CALD1: variants seen among roughly 807,000 people sequenced by gnomAD.
The protein encoded by CALD1 is caldesmon.
CALD1 carries 33 observed loss-of-function variants against 99.9 expected under a neutral mutation model. That is an observed-to-expected ratio of 0.33 (90% CI 0.25 to 0.44). CALD1 has a LOEUF of 0.44. CALD1 is among the 20% of genes least tolerant of loss of function. The pLI is 1.00. For synonymous variants in CALD1, 310 were observed against 325.0 expected, an observed-to-expected ratio of 0.95 and a Z score of 0.50; for missense variants, 861 against 962.1, an observed-to-expected ratio of 0.89 and a Z score of 1.39.
At chr7:134,857,519 A>G (rs1046995691) in intron 2 of CALD1, among the ~76,000 whole-genome samples, 1 of 152,098 alleles carries the variant, frequency 6.6e-6, no homozygotes, top group African/African-American at 2.4e-5. Flanking sequence ...GGAAAAGTCC[A>G]GGTATCCCCA....
At chr7:134,842,617 C>T (rs956826668) in intron 1 of CALD1, among the ~76,000 whole-genome samples, 3 of 152,138 alleles carry the variant, frequency 2.0e-5, no homozygotes, top group Admixed American at 6.5e-5. Flanking sequence ...CTAATTTAAC[C>T]TTTGCAATGA....
intron 7 of CALD1, among the ~76,000 whole-genome samples, chr7:134,946,832 C>T (rs952484712): frequency 2.6e-5 from 4 of 151,958 alleles, no homozygotes; most frequent in East Asian, 1.9e-4. Flanking sequence ...AGGCACACGC[C>T]GCCACGCCCG....
At chr7:134,748,481 G>A (rs1248004743) in intron 1 of CALD1, among the ~76,000 whole-genome samples, 1 of 152,174 alleles carries the variant, frequency 6.6e-6, no homozygotes, top group Admixed American at 6.5e-5. Context: ...AGGCTGAGGT[G>A]GGTGGATCAC....
At chr7:134,922,520 G>A (rs371869092) in intron 3 of CALD1, among the ~76,000 whole-genome samples, 3 of 152,178 alleles carry the variant, frequency 2.0e-5, no homozygotes, top group Non-Finnish European at 4.4e-5. Flanking sequence ...CAAACAAGAC[G>A]ACCTATACTA....
chr7:134,726,116 A>G, the CALD1 span, among the ~76,000 whole-genome samples: 1 of 152,102 alleles, frequency 6.6e-6, no homozygotes, highest in African/African-American at 2.4e-5. Flanking sequence ...ACTTATAGGA[A>G]TACACCATTA....
chr7:134,793,222 G>A (rs1585950011), intron 1 of CALD1, among the ~76,000 whole-genome samples: 2 of 152,242 alleles, frequency 1.3e-5, no homozygotes, highest in South Asian at 2.1e-4. Flanking sequence ...TGCCTGCACA[G>A]GGCCCAAAGA....
intron 3 of CALD1, among the ~76,000 whole-genome samples, chr7:134,893,314 T>C (rs146114815): frequency 9.3e-4 from 141 of 152,264 alleles, no homozygotes; most frequent in African/African-American, 3.3e-3. Flanking sequence ...ATAAAGTCCA[T>C]TCTCCTTACT....
At chr7:134,966,107 A>T (rs567754796) in intron 14 of CALD1, among the ~76,000 whole-genome samples, 2 of 152,264 alleles carry the variant, frequency 1.3e-5, no homozygotes, top group South Asian at 2.1e-4. Context: ...AAAGAAAATT[A>T]AAAAGGGAGA....
rs1803883725 is a variant in CALD1 at position 134,912,452 on chromosome 7, CACTT to C, written c.72-16299_72-16296del. ...TAATGCAAACCCAAGGCAACGCTGA[CACTT>C]ACACACGGAGAGGACACTAATGCTT... On this transcript the variant is annotated intron_variant, in intron 3 of 14. Transcript: ENST00000361675. Among the ~76,000 whole-genome samples, 4 of 152,330 alleles carry C rather than the reference CACTT, an allele frequency of 2.6e-5. No individual in the cohort carries two copies. The South Asian group carries it at 8.3e-4, about 32-fold the overall frequency.
At chr7:134,887,808 GTGTGTGCA>G (rs1801946288) in intron 3 of CALD1, among the ~76,000 whole-genome samples, 1 of 151,880 alleles carries the variant, frequency 6.6e-6, no homozygotes, top group African/African-American at 2.4e-5. Context: ...GCATGTGTAT[GTGTGTGCA>G]TGTGTGCATA....
At chr7:134,735,541 C>A in the CALD1 span, among the ~76,000 whole-genome samples, 1 of 150,916 alleles carries the variant, frequency 6.6e-6, no homozygotes, top group South Asian at 2.1e-4. Context: ...CTATTTCTCT[C>A]TTTCTTTCCC....
chr7:134,873,428 C>A (rs1377536313), intron 3 of CALD1, among the ~76,000 whole-genome samples: 3 of 152,158 alleles, frequency 2.0e-5, no homozygotes, highest in African/African-American at 7.2e-5. Context: ...TGTGGATGTG[C>A]TGTTGCATCA....
chr7:134,774,592 A>G (rs1417818206), intron 1 of CALD1, among the ~76,000 whole-genome samples: 1 of 152,152 alleles, frequency 6.6e-6, no homozygotes, highest in Non-Finnish European at 1.5e-5. Flanking sequence ...ACTTCTAACT[A>G]TTCCTTACCC....
At chr7:134,813,788 C>A (rs1256514704) in intron 1 of CALD1, among the ~76,000 whole-genome samples, 1 of 152,126 alleles carries the variant, frequency 6.6e-6, no homozygotes, top group Non-Finnish European at 1.5e-5. Flanking sequence ...AGTAAAAGCA[C>A]TTAGCTTAGC....
chr7:134,934,712 T>C (rs1452610811), intron 5 of CALD1, among the ~76,000 whole-genome samples: 1 of 152,024 alleles, frequency 6.6e-6, no homozygotes, highest in Non-Finnish European at 1.5e-5. Flanking sequence ...TGAAACCCCA[T>C]CTCTACTAAA....
the CALD1 span, among the ~76,000 whole-genome samples, chr7:134,725,178 T>G: frequency 6.6e-6 from 1 of 152,172 alleles, no homozygotes; most frequent in African/African-American, 2.4e-5. Flanking sequence ...CCTGAGTACC[T>G]ATGTGGACAG....
the CALD1 span, among the ~76,000 whole-genome samples, chr7:134,725,298 T>C: frequency 1.3e-5 from 2 of 152,212 alleles, no homozygotes; most frequent in African/African-American, 4.8e-5. Flanking sequence ...CTGTCATCCA[T>C]GGAACAAAAG....
chr7:134,836,268 T>C (rs1450677658), intron 1 of CALD1, among the ~76,000 whole-genome samples: 1 of 152,138 alleles, frequency 6.6e-6, no homozygotes, highest in Non-Finnish European at 1.5e-5. Context: ...TGCTTCTGTT[T>C]GATAAGTTCT....
intron 3 of CALD1, among the ~76,000 whole-genome samples, chr7:134,899,501 C>G (rs972184120): frequency 6.6e-6 from 1 of 152,224 alleles, no homozygotes; most frequent in African/African-American, 2.4e-5. Flanking sequence ...CCGCGCCCAG[C>G]CAGAATGCTT....
Sources: allele counts gnomAD v4.1 joint callset (sites outside exome capture counted in the v4.1 genomes callset), GRCh38; gene constraint gnomAD v4.1.1; transcripts MANE v1.5; gene names NCBI Gene and HGNC (gene_info 2026-07-23, HGNC 2026-07-21).